CFAP95: variants seen among roughly 807,000 people sequenced by gnomAD.
CFAP95 encodes the protein cilia and flagella associated protein 95, also known as cilia- and flagella-associated protein 95.
At chr9:69,862,192 T>C in the CFAP95 span, among the ~76,000 whole-genome samples, 1 of 152,210 alleles carries the variant, frequency 6.6e-6, no homozygotes, top group Non-Finnish European at 1.5e-5. Context: ...TAGAAGAGGA[T>C]TTGGCTAATT....
chr9:69,852,164 TA>T, the CFAP95 span, among the ~76,000 whole-genome samples: 15,064 of 151,302 alleles, frequency 0.1, 908 homozygotes, highest in East Asian at 0.14. Flanking sequence ...CCTTTGTATA[TA>T]TTTTTTTTTT....
At chr9:69,857,012 T>C in the CFAP95 span, among the ~76,000 whole-genome samples, 1 of 152,046 alleles carries the variant, frequency 6.6e-6, no homozygotes, top group Admixed American at 6.6e-5. Flanking sequence ...TTGGTGTTTA[T>C]AACCCAGCTT....
chr9:69,901,818 G>A, the CFAP95 span, among the ~76,000 whole-genome samples: 105 of 152,238 alleles, frequency 6.9e-4, no homozygotes, highest in African/African-American at 2.2e-3. Flanking sequence ...GTGTAAAAGT[G>A]TTCCTATTTC....
the CFAP95 span, among the ~76,000 whole-genome samples, chr9:69,870,801 T>G: frequency 1.3e-5 from 2 of 152,062 alleles, no homozygotes; most frequent in Admixed American, 6.6e-5. Flanking sequence ...GAATTCAGAT[T>G]TGGGAGGTCA....
the CFAP95 span, chr9:69,820,978 G>T: frequency 3.6e-4 from 574 of 1,613,928 alleles, 1 homozygote; most frequent in African/African-American, 6.8e-3. Context: ...AGGGCTCCCT[G>T]ACCCTCCGCT....
the CFAP95 span, among the ~76,000 whole-genome samples, chr9:69,895,369 C>CTCTGTG: frequency 3.1e-4 from 33 of 107,920 alleles, 1 homozygote; most frequent in East Asian, 0.01. Flanking sequence ...CTCTCTCTCT[C>CTCTGTG]TGTGTGTGTG....
At chr9:69,869,769 A>G in the CFAP95 span, among the ~76,000 whole-genome samples, 1 of 152,098 alleles carries the variant, frequency 6.6e-6, no homozygotes. Flanking sequence ...TTGAGTGGCA[A>G]AGATTTTTTA....
the CFAP95 span, among the ~76,000 whole-genome samples, chr9:69,874,280 C>G: frequency 6.6e-6 from 1 of 152,140 alleles, no homozygotes; most frequent in Non-Finnish European, 1.5e-5. Flanking sequence ...TTCAAGCACA[C>G]CAGACGGTCA....
the CFAP95 span, among the ~76,000 whole-genome samples, chr9:69,889,743 C>T: frequency 6.6e-6 from 1 of 151,996 alleles, no homozygotes; most frequent in African/African-American, 2.4e-5. Context: ...CAAGAAGAAT[C>T]CATTGGGCTG....
At chr9:69,841,197 T>TATATATATATATATATATA in the CFAP95 span, among the ~76,000 whole-genome samples, 403 of 131,292 alleles carry the variant, frequency 3.1e-3, 1 homozygote, top group Non-Finnish European at 3.7e-3. Flanking sequence ...TATATATATA[T>TATATATATATATATATATA]TTCTGATTTA....
chr9:69,848,972 G>A, the CFAP95 span, among the ~76,000 whole-genome samples: 1 of 152,154 alleles, frequency 6.6e-6, no homozygotes, highest in Admixed American at 6.5e-5. Flanking sequence ...CAGTGATGGA[G>A]GAAAAATAGA....
At chr9:69,832,901 T>C in the CFAP95 span, among the ~76,000 whole-genome samples, 422 of 152,182 alleles carry the variant, frequency 2.8e-3, 3 homozygotes, top group African/African-American at 9.5e-3. Flanking sequence ...TAGAAAGTCA[T>C]GTAAGTCATC....
the CFAP95 span, among the ~76,000 whole-genome samples, chr9:69,848,637 C>T: frequency 2.6e-5 from 4 of 152,114 alleles, no homozygotes; most frequent in African/African-American, 9.7e-5. Flanking sequence ...CATCAGTCCC[C>T]AAGGAGATAG....
the CFAP95 span, among the ~76,000 whole-genome samples, chr9:69,870,608 C>T: frequency 1.1e-4 from 17 of 152,168 alleles, no homozygotes; most frequent in African/African-American, 3.4e-4. Context: ...AAAGGGAAGC[C>T]CTCCCCAGGA....
chr9:69,834,142 C>T, the CFAP95 span, among the ~76,000 whole-genome samples: 1 of 152,154 alleles, frequency 6.6e-6, no homozygotes, highest in African/African-American at 2.4e-5. Context: ...CCATGTCACT[C>T]CATGCCAGGT....
chr9:69,838,207 C>T, the CFAP95 span, among the ~76,000 whole-genome samples: 2 of 152,266 alleles, frequency 1.3e-5, no homozygotes, highest in African/African-American at 4.8e-5. Context: ...ATTGACTTGG[C>T]AATGCGGGCT....
the CFAP95 span, among the ~76,000 whole-genome samples, chr9:69,902,574 T>C: frequency 6.6e-6 from 1 of 152,166 alleles, no homozygotes. Context: ...ACTTGAGTGG[T>C]ATACCAAACG....
chr9:69,876,139 T>C, the CFAP95 span, among the ~76,000 whole-genome samples: 493 of 152,370 alleles, frequency 3.2e-3, 5 homozygotes, highest in African/African-American at 0.011. Flanking sequence ...TTCATATCCT[T>C]ATAAATAGGG....
the CFAP95 span, among the ~76,000 whole-genome samples, chr9:69,849,530 G>A: frequency 6.6e-6 from 1 of 152,162 alleles, no homozygotes; most frequent in South Asian, 2.1e-4. Context: ...AGGTTCCTAG[G>A]GGAAATGGGA....
Sources: gnomAD v4.1 joint callset for allele counts (sites outside exome capture counted in the v4.1 genomes callset) on GRCh38, gnomAD v4.1.1 for gene constraint, MANE v1.5 for transcripts, NCBI Gene and HGNC (gene_info 2026-07-23, HGNC 2026-07-21) for gene names.